CTNNA2: variants seen among roughly 807,000 people sequenced by gnomAD.
The protein encoded by CTNNA2 is catenin alpha-2.
CTNNA2 carries 42 observed loss-of-function variants against 101.0 expected under a neutral mutation model. That is an observed-to-expected ratio of 0.42 (90% CI 0.32 to 0.54). The LOEUF (loss-of-function observed/expected upper bound fraction) is 0.54. Ranked by LOEUF, CTNNA2 falls within the 20% of genes least tolerant of loss-of-function variation. The pLI is 0.14. For synonymous variants in CTNNA2, 450 were observed against 456.4 expected, an observed-to-expected ratio of 0.99 and a Z score of 0.18; for missense variants, 871 against 1,223.1, an observed-to-expected ratio of 0.71 and a Z score of 4.29.
intron 14 of CTNNA2, among the ~76,000 whole-genome samples, chr2:80,583,906 G>T (rs1695752269): frequency 6.6e-6 from 1 of 152,104 alleles, no homozygotes; most frequent in Non-Finnish European, 1.5e-5. Context: ...AAGATAGTAA[G>T]AACAGAGCAC....
chr2:80,152,060 G>A (rs1006892300), intron 7 of CTNNA2, among the ~76,000 whole-genome samples: 1 of 152,250 alleles, frequency 6.6e-6, no homozygotes, highest in African/African-American at 2.4e-5. Flanking sequence ...ATCCAATAAA[G>A]GGGAGAGAGG....
chr2:79,444,726 A>T (rs10520241), intron 4 of CTNNA2, among the ~76,000 whole-genome samples: 1 of 152,080 alleles, frequency 6.6e-6, no homozygotes, highest in African/African-American at 2.4e-5. Context: ...TATACACATC[A>T]TCTGCAATTT....
chr2:80,625,283 C>A (rs1172500464), intron 18 of CTNNA2, among the ~76,000 whole-genome samples: 2 of 151,946 alleles, frequency 1.3e-5, no homozygotes, highest in African/African-American at 4.8e-5. Context: ...AAAATATCAA[C>A]AGTTACATTA....
chr2:80,573,185 C>G (rs1694752798), intron 12 of CTNNA2: 1 of 152,110 alleles, frequency 6.6e-6, no homozygotes, highest in Non-Finnish European at 1.5e-5. Flanking sequence ...ATTTACTATA[C>G]AAATTGATTG....
At chr2:80,104,166 G>C (rs184220015) in intron 7 of CTNNA2, among the ~76,000 whole-genome samples, 4 of 152,108 alleles carry the variant, frequency 2.6e-5, no homozygotes, top group Non-Finnish European at 5.9e-5. Context: ...TATGCAAAGC[G>C]CTAGAATGTG....
intron 1 of CTNNA2, among the ~76,000 whole-genome samples, chr2:79,627,255 A>G (rs2104330501): frequency 6.6e-6 from 1 of 152,362 alleles, no homozygotes; most frequent in South Asian, 2.1e-4. Context: ...CTAAAAGCCT[A>G]TGCTTCTTCA....
Position 79,976,454 on chromosome 2 carries a change from C to T in CTNNA2, c.1056+66657C>T, listed in dbSNP as rs79778907. On this transcript the variant is annotated intron_variant, in intron 7 of 18. Coordinates refer to ENST00000402739, the MANE Select transcript of CTNNA2 (RefSeq NM_001282597.3). Reference sequence around the variant, plus strand: ...AACGGATTATGTCTCCATTCGAGAGCACTTTTGCTTTCTCTAGATGGCTGC... The same window carrying T: ...AACGGATTATGTCTCCATTCGAGAGTACTTTTGCTTTCTCTAGATGGCTGC... Among the ~76,000 whole-genome samples the T allele has an allele frequency of 5.2e-3, 788 of 152,266 alleles. 19 individuals carry two copies. In the East Asian group the frequency reaches 0.067, roughly 13 times the overall value.
At chr2:79,469,160 G>T (rs1670970650) in intron 4 of CTNNA2, among the ~76,000 whole-genome samples, 1 of 151,746 alleles carries the variant, frequency 6.6e-6, no homozygotes, top group Non-Finnish European at 1.5e-5. Context: ...AAAGAGAGAA[G>T]AATCAAATAG....
At chr2:79,445,334 GT>G (rs1472564936) in intron 4 of CTNNA2, among the ~76,000 whole-genome samples, 1 of 152,096 alleles carries the variant, frequency 6.6e-6, no homozygotes, top group African/African-American at 2.4e-5. Context: ...AAGTACCCAA[GT>G]TTTGCAGAGT....
intron 8 of CTNNA2, among the ~76,000 whole-genome samples, chr2:80,400,050 G>A (rs1177723218): frequency 1.3e-5 from 2 of 152,168 alleles, no homozygotes; most frequent in Non-Finnish European, 2.9e-5. Context: ...ATTTTAGAGT[G>A]TGTGGTGCAT....
At chr2:80,019,246 C>T (rs1476502116) in intron 7 of CTNNA2, among the ~76,000 whole-genome samples, 1 of 152,128 alleles carries the variant, frequency 6.6e-6, no homozygotes, top group Non-Finnish European at 1.5e-5. Flanking sequence ...ACTGACTGTA[C>T]TCAGTAATAC....
chr2:80,302,231 G>A lies in CTNNA2; in HGVS notation c.1057-90980G>A. The A allele has an allele frequency of 1.9e-6, 3 of 1,605,344 alleles. No homozygotes were observed. The highest frequency in any genetic ancestry group is 2.6e-6 in the Non-Finnish European group (3 of 1,175,918). Reference sequence around the variant, plus strand: ...CCCAGGCGTATTTGGTAGCGCATGGGTTGAGAGCCACTGGGACAATCACAC... The same window carrying A: ...CCCAGGCGTATTTGGTAGCGCATGGATTGAGAGCCACTGGGACAATCACAC... On this transcript the variant is annotated intron_variant, in intron 7 of 18. Coordinates refer to ENST00000402739, the MANE Select transcript of CTNNA2 (RefSeq NM_001282597.3). This position sits in a 1 kb window ranked among gnomAD's most constrained non-coding sequence, Gnocchi z 6.4.
At chr2:80,411,569 G>A (rs1218864122) in intron 8 of CTNNA2, among the ~76,000 whole-genome samples, 1 of 152,148 alleles carries the variant, frequency 6.6e-6, no homozygotes, top group Non-Finnish European at 1.5e-5. Flanking sequence ...AATCACATTT[G>A]TTCCTGGAAT....
At chr2:80,251,630 G>C (rs141862878) in intron 7 of CTNNA2, among the ~76,000 whole-genome samples, 2 of 152,098 alleles carry the variant, frequency 1.3e-5, no homozygotes, top group African/African-American at 4.8e-5. Context: ...GTCTAGCCAC[G>C]ATCTGATCCA....
At chr2:80,604,036 TAA>T (rs1288937076) in intron 15 of CTNNA2, 36 bp from the exon 16 acceptor site, 2 of 1,569,034 alleles carry the variant, frequency 1.3e-6, no homozygotes, top group African/African-American at 2.7e-5. Context: ...TTCCCGTCAT[TAA>T]GTGGATTTCT....
chr2:79,737,812 G>T (rs1458037737), intron 2 of CTNNA2, among the ~76,000 whole-genome samples: 1 of 152,116 alleles, frequency 6.6e-6, no homozygotes, highest in Non-Finnish European at 1.5e-5. Flanking sequence ...CAACAGAGTT[G>T]CTCTGTCACA....
At chr2:79,904,475 A>T (rs1393604103) in intron 6 of CTNNA2, among the ~76,000 whole-genome samples, 1 of 152,230 alleles carries the variant, frequency 6.6e-6, no homozygotes, top group Non-Finnish European at 1.5e-5. Context: ...TTAAAGTAAT[A>T]TACTTTATAA....
chr2:79,984,055 G>A (rs1317832592), intron 7 of CTNNA2, among the ~76,000 whole-genome samples: 1 of 152,068 alleles, frequency 6.6e-6, no homozygotes, highest in Non-Finnish European at 1.5e-5. Context: ...AAGCTGTGCC[G>A]AAGATTACCT....
chr2:80,440,477 A>T (rs1346930255), intron 9 of CTNNA2, among the ~76,000 whole-genome samples: 3 of 152,224 alleles, frequency 2.0e-5, no homozygotes. Flanking sequence ...ATCATGGGCT[A>T]ATCAGTATGC....
Sources: allele counts gnomAD v4.1 joint callset (sites outside exome capture counted in the v4.1 genomes callset), GRCh38; gene constraint gnomAD v4.1.1; non-coding constraint Gnocchi (gnomAD v3.1); transcripts MANE v1.5; gene names NCBI Gene and HGNC (gene_info 2026-07-23, HGNC 2026-07-21).